Variants in ALMS1 observed in about 807,000 individuals in gnomAD.
The protein encoded by ALMS1 is ALMS1 centrosome and basal body associated protein.
In ALMS1, 271 loss-of-function variants were observed where a neutral mutation model predicts 352.2. The observed-to-expected ratio is 0.77, with a 90% CI of 0.70 to 0.85. The LOEUF (loss-of-function observed/expected upper bound fraction) is 0.85, where lower values mean the gene tolerates loss of function less well. Ranked by LOEUF, ALMS1 falls within the 40% of genes least tolerant of loss-of-function variation. The pLI is 0.00. For missense variants in ALMS1, 5,445 were observed against 4,870.7 expected (o/e 1.12, Z -3.51); for synonymous variants, 1,865 against 1,761.2 (o/e 1.06, Z -1.48).
chr2:73,471,700 A>G (rs1572954177), intron 9 of ALMS1, among the ~76,000 whole-genome samples: 1 of 152,088 alleles, frequency 6.6e-6, no homozygotes, highest in East Asian at 1.9e-4. Context: ...CTGATATCAA[A>G]ACAAAACAAA....
intron 16 of ALMS1, among the ~76,000 whole-genome samples, chr2:73,584,994 ATATG>A (rs1380349438): frequency 1.5e-4 from 23 of 152,188 alleles, no homozygotes; most frequent in Admixed American, 1.2e-3. Context: ...TCCATGGTGT[ATATG>A]TACCACATTT....
At chr2:73,486,005 C>T (rs2103879808) in intron 9 of ALMS1, among the ~76,000 whole-genome samples, 1 of 152,104 alleles carries the variant, frequency 6.6e-6, no homozygotes, top group Middle Eastern at 3.4e-3. Flanking sequence ...CCCAGTACCT[C>T]AGATGGAAGT....
chr2:73,525,313 T>C (rs1673767553), intron 11 of ALMS1, among the ~76,000 whole-genome samples: 1 of 152,258 alleles, frequency 6.6e-6, no homozygotes, highest in Admixed American at 6.5e-5. Flanking sequence ...CTGGATCATA[T>C]GTTAGCTCTA....
intron 9 of ALMS1, among the ~76,000 whole-genome samples, chr2:73,471,933 A>G (rs1438707799): frequency 6.6e-6 from 1 of 152,032 alleles, no homozygotes; most frequent in South Asian, 2.1e-4. Flanking sequence ...AGTAGCCAAG[A>G]TATATAAACA....
At chr2:73,513,592 A>G (rs1161604947) in intron 10 of ALMS1, among the ~76,000 whole-genome samples, 1 of 152,112 alleles carries the variant, frequency 6.6e-6, no homozygotes, top group Non-Finnish European at 1.5e-5. Context: ...CCTGCAGGAA[A>G]TCTGACTTCC....
At chr2:73,561,983 GA>G (rs544098692) in intron 15 of ALMS1, among the ~76,000 whole-genome samples, 12 of 149,274 alleles carry the variant, frequency 8.0e-5, no homozygotes, top group South Asian at 2.1e-4. Flanking sequence ...AAAATGAAAT[GA>G]AAAAAAAGTA....
chr2:73,395,328 C>G (rs747171486), intron 1 of ALMS1, among the ~76,000 whole-genome samples: 19 of 151,710 alleles, frequency 1.3e-4, no homozygotes, highest in African/African-American at 2.9e-4. Flanking sequence ...ATCTGCCCAC[C>G]TTGGCCTCCC....
At chr2:73,403,311 T>C (rs549474454) in intron 1 of ALMS1, among the ~76,000 whole-genome samples, 3 of 152,342 alleles carry the variant, frequency 2.0e-5, no homozygotes, top group South Asian at 4.1e-4. Flanking sequence ...TGTGTCTTCT[T>C]GGTGCCCTTG....
rs1317060772 is a variant in ALMS1, at chr2:73,513,130, A to G, written c.9540-6645A>G. ...ACCTCTCCCCAGCAAGGATGACCCT[A>G]ACGCTCCACTTGGATTCAAACACTT... On this transcript the variant is annotated intron_variant, in intron 10 of 22. Coordinates refer to ENST00000613296, the MANE Select transcript of ALMS1 (RefSeq NM_001378454.1). 1.1e-4 allele frequency among the ~76,000 whole-genome samples: 17 copies of G among 152,122 alleles called. 1 individual carries two copies. Among genetic ancestry groups the G allele is most frequent in the Admixed American group, 1.1e-3 (17 of 15,270 alleles).
chr2:73,519,961 C>G lies in ALMS1; in HGVS notation c.9726C>G (p.Val3242=), dbSNP rs776142259. 3 of 1,613,940 alleles carry G rather than the reference C, an allele frequency of 1.9e-6. No homozygotes were observed. The highest frequency in any genetic ancestry group is 2.2e-5 in the East Asian group (1 of 44,872). ...PGNQKLRKAP[V]KFASSSSVQQ... Reference sequence around the variant, plus strand: ...ACCAGAAGCTACGCAAAGCTCCTGTCAAGTTTGCCTCATCATCTTCAGTCC... The same window carrying G: ...ACCAGAAGCTACGCAAAGCTCCTGTGAAGTTTGCCTCATCATCTTCAGTCC... The change falls in exon 11 of 23, where the codon GTC becomes GTG. Residue 3242 remains valine, a synonymous_variant. Coordinates refer to ENST00000613296, the MANE Select transcript of ALMS1 (RefSeq NM_001378454.1).
At chr2:73,438,435 A>C (rs1445428905) in intron 7 of ALMS1, among the ~76,000 whole-genome samples, 1 of 152,228 alleles carries the variant, frequency 6.6e-6, no homozygotes, top group East Asian at 1.9e-4. Flanking sequence ...AATTGGAAAC[A>C]AGTTTGGATC....
At chr2:73,498,257 T>G (rs1037830643) in intron 10 of ALMS1, among the ~76,000 whole-genome samples, 5 of 151,894 alleles carry the variant, frequency 3.3e-5, no homozygotes, top group African/African-American at 4.8e-5. Context: ...GCTGTAGAAA[T>G]TTCTTTTTTT....
At chr2:73,493,637 G>A (rs963216981) in intron 10 of ALMS1, among the ~76,000 whole-genome samples, 1 of 151,820 alleles carries the variant, frequency 6.6e-6, no homozygotes, top group Non-Finnish European at 1.5e-5. Context: ...CAGGAGAATC[G>A]CTTGAACCTG....
chr2:73,561,915 A>G (rs1478417877), intron 15 of ALMS1, among the ~76,000 whole-genome samples: 1 of 152,154 alleles, frequency 6.6e-6, no homozygotes, highest in African/African-American at 2.4e-5. Context: ...GACATGAAGT[A>G]TATGAAATAA....
intron 16 of ALMS1, among the ~76,000 whole-genome samples, chr2:73,574,693 G>C (rs561146537): frequency 6.6e-6 from 1 of 152,280 alleles, no homozygotes; most frequent in South Asian, 2.1e-4. Context: ...GAATGGTACA[G>C]AGTAAGGCTT....
rs577975472 is a variant in ALMS1 at position 73,595,394 on chromosome 2, C to A, written c.11548-4007C>A. Among the ~76,000 whole-genome samples the A allele has an allele frequency of 2.0e-5, 3 of 152,320 alleles. No individual in the cohort carries two copies. In the South Asian group the frequency reaches 6.2e-4, roughly 32 times the overall value. On this transcript the variant is annotated intron_variant, in intron 16 of 22. Transcript: ENST00000613296. ...TCTTCTGGAGATTTTATGTATATAGCATCAGATGTGGTCTTTTGCATCTGC... is the reference window on the plus strand; with the variant it reads ...TCTTCTGGAGATTTTATGTATATAGAATCAGATGTGGTCTTTTGCATCTGC...
intron 7 of ALMS1, among the ~76,000 whole-genome samples, chr2:73,439,798 C>G (rs1671679869): frequency 6.6e-6 from 1 of 152,074 alleles, no homozygotes; most frequent in Non-Finnish European, 1.5e-5. Flanking sequence ...CTTGGCCTCC[C>G]AAAGTGCTGG....
At position 73,449,395 on chromosome 2, in the gene ALMS1, A is replaced by C. The variant is rs1558648270; in HGVS notation, c.2868A>C (p.Ser956=). 1 of 1,614,074 alleles carries C rather than the reference A, an allele frequency of 6.2e-7. No individual in the cohort carries two copies. Among genetic ancestry groups the C allele is most frequent in the Non-Finnish European group, 8.5e-7 (1 of 1,179,942 alleles). The part of the protein sequence containing the change: ...GTPTVSSNSH[S]HSEKSSVFYQ... ...CAACAGTGTCCTCTAATTCTCACTC[A>C]CATAGCGAGAAATCTAGTGTTTTCT... Residue 956 remains serine (S), a synonymous_variant, in exon 8 of 23, where the codon TCA becomes TCC. Transcript: ENST00000613296.
intron 12 of ALMS1, among the ~76,000 whole-genome samples, chr2:73,543,783 G>A (rs9677080): frequency 0.38 from 57,636 of 152,064 alleles, 15,035 homozygotes; most frequent in African/African-American, 0.74. Context: ...ATCACTGGCC[G>A]TCAGAGAAAT....
Sources: allele counts gnomAD v4.1 joint callset (sites outside exome capture counted in the v4.1 genomes callset), GRCh38; gene constraint gnomAD v4.1.1; transcripts MANE v1.5; gene names NCBI Gene and HGNC (gene_info 2026-07-23, HGNC 2026-07-21).